CCR5AS: variants seen among roughly 807,000 people sequenced by gnomAD.
CCR5AS encodes the protein CCR5 antisense RNA.
intron 1 of CCR5AS, among the ~76,000 whole-genome samples, chr3:46,405,901 T>A (rs1186218717): frequency 6.6e-6 from 1 of 151,282 alleles, no homozygotes; most frequent in African/African-American, 2.4e-5. Flanking sequence ...AGAGACAGTG[T>A]CTCGCTCTGC....
At chr3:46,383,820 T>C (rs1202849480) in intron 2 of CCR5AS, among the ~76,000 whole-genome samples, 2 of 152,216 alleles carry the variant, frequency 1.3e-5, no homozygotes, top group Non-Finnish European at 2.9e-5. Context: ...CATTCATTCA[T>C]TGATTCAGCA....
chr3:46,383,618 G>A (rs80087302), intron 2 of CCR5AS, among the ~76,000 whole-genome samples: 1 of 152,114 alleles, frequency 6.6e-6, no homozygotes, highest in Non-Finnish European at 1.5e-5. Context: ...TCCTACTGTG[G>A]AGGCCAGGGA....
chr3:46,372,797 A>G, intron 2 of CCR5AS: 1 of 860,688 alleles, frequency 1.2e-6, no homozygotes, highest in Non-Finnish European at 1.8e-6. Flanking sequence ...GTAGGCAATT[A>G]AAAACCTATT....
At chr3:46,391,014 G>A (rs1701907016) in intron 2 of CCR5AS, among the ~76,000 whole-genome samples, 2 of 152,242 alleles carry the variant, frequency 1.3e-5, no homozygotes, top group African/African-American at 2.4e-5. Flanking sequence ...AGGTGATCAG[G>A]CAGTGTCAGT....
chr3:46,404,890 A>G (rs1702032447), intron 1 of CCR5AS, among the ~76,000 whole-genome samples: 1 of 139,520 alleles, frequency 7.2e-6, no homozygotes, highest in South Asian at 2.3e-4. Context: ...TAAGTAAATG[A>G]GTGATCTACA....
chr3:46,373,838 C>T, intron 2 of CCR5AS: 1 of 1,614,080 alleles, frequency 6.2e-7, no homozygotes, highest in Non-Finnish European at 8.5e-7. Flanking sequence ...TAGTCTTCTT[C>T]CAAAAGCACA....
At chr3:46,400,081 C>A (rs1236466565) in intron 1 of CCR5AS, among the ~76,000 whole-genome samples, 1 of 152,108 alleles carries the variant, frequency 6.6e-6, no homozygotes, top group African/African-American at 2.4e-5. Flanking sequence ...GCAATCTCTG[C>A]CTCCCGGGCT....
chr3:46,400,662 G>T (rs984862490), intron 1 of CCR5AS, among the ~76,000 whole-genome samples: 3 of 152,180 alleles, frequency 2.0e-5, no homozygotes, highest in Middle Eastern at 3.2e-3. Context: ...AATGAGCTGA[G>T]ACTTGGGCAC....
At chr3:46,384,838 T>C (rs1224903551) in intron 2 of CCR5AS, among the ~76,000 whole-genome samples, 1 of 151,958 alleles carries the variant, frequency 6.6e-6, no homozygotes, top group Non-Finnish European at 1.5e-5. Flanking sequence ...GGTAGATAGA[T>C]GGATAGGGTA....
intron 1 of CCR5AS, among the ~76,000 whole-genome samples, chr3:46,394,441 A>C (rs1255652865): frequency 6.6e-6 from 1 of 152,032 alleles, no homozygotes; most frequent in Non-Finnish European, 1.5e-5. Context: ...GGCTGTCCAC[A>C]AGCACTCTCT....
intron 1 of CCR5AS, among the ~76,000 whole-genome samples, chr3:46,394,912 TG>T (rs1019607204): frequency 6.6e-6 from 1 of 151,990 alleles, no homozygotes; most frequent in African/African-American, 2.4e-5. Context: ...GCCCATGGCA[TG>T]GGTGGAGAGG....
intron 2 of CCR5AS, among the ~76,000 whole-genome samples, chr3:46,382,309 G>T (rs1434459935): frequency 6.6e-6 from 1 of 152,196 alleles, no homozygotes; most frequent in African/African-American, 2.4e-5. Context: ...GGCATACCTG[G>T]TCCAACCAGT....
intron 2 of CCR5AS, among the ~76,000 whole-genome samples, chr3:46,376,857 C>T (rs912060295): frequency 6.6e-6 from 1 of 152,140 alleles, no homozygotes; most frequent in Non-Finnish European, 1.5e-5. Flanking sequence ...CAGCACAGGT[C>T]ATGGGCAGCA....
chr3:46,405,897 A>C (rs747350753), intron 1 of CCR5AS, among the ~76,000 whole-genome samples: 2 of 145,998 alleles, frequency 1.4e-5, no homozygotes, highest in South Asian at 2.2e-4. Context: ...TTCCAGAGAC[A>C]GTGTCTCGCT....
At chr3:46,369,708 C>A (rs1347158943) in intron 3 of CCR5AS, among the ~76,000 whole-genome samples, 1 of 152,076 alleles carries the variant, frequency 6.6e-6, no homozygotes, top group Non-Finnish European at 1.5e-5. Context: ...AGATGCTGGC[C>A]GTGGATGCCT....
chr3:46,376,538 G>A (rs1265174193), intron 2 of CCR5AS, among the ~76,000 whole-genome samples: 1 of 152,200 alleles, frequency 6.6e-6, no homozygotes, highest in Non-Finnish European at 1.5e-5. Context: ...TTAAAAAAGA[G>A]AATTGGTGCC....
chr3:46,404,459 C>T (rs975630845), intron 1 of CCR5AS, among the ~76,000 whole-genome samples: 4 of 151,606 alleles, frequency 2.6e-5, no homozygotes, highest in African/African-American at 9.7e-5. Context: ...TTCAGCCTCC[C>T]GAGTAGCTGG....
chr3:46,365,145 AAAG>A (rs1701587658), intron 3 of CCR5AS: 1 of 152,322 alleles, frequency 6.6e-6, no homozygotes, highest in African/African-American at 2.4e-5. Flanking sequence ...TCCAATTTTG[AAAG>A]AAGTGGGTAA....
At chr3:46,398,440 C>G (rs558203510) in intron 1 of CCR5AS, among the ~76,000 whole-genome samples, 8 of 152,184 alleles carry the variant, frequency 5.3e-5, no homozygotes, top group Non-Finnish European at 7.3e-5. Context: ...CTCTAAGAAG[C>G]TCCACGCACT....
Sources: allele counts gnomAD v4.1 joint callset (sites outside exome capture counted in the v4.1 genomes callset), GRCh38; gene constraint gnomAD v4.1.1; transcripts MANE v1.5; gene names NCBI Gene and HGNC (gene_info 2026-07-23, HGNC 2026-07-21).